RBFOX1: variants seen among roughly 807,000 people sequenced by gnomAD.
RBFOX1 encodes the protein RNA binding protein fox-1 homolog 1.
A neutral mutation model predicts 57.7 loss-of-function variants in RBFOX1; 8 were observed. That is an observed-to-expected ratio of 0.14 (90% CI 0.08 to 0.25). The LOEUF is 0.25. Among genes scored for constraint, RBFOX1 ranks in the 10% least tolerant of loss-of-function variants. The probability of loss-of-function intolerance (pLI) is 1.00; values close to 1 mark genes in which losing one functional copy is unlikely to be tolerated. For missense variants in RBFOX1, 611 were observed against 548.5 expected, an observed-to-expected ratio of 1.11 and a Z score of -1.14; for synonymous variants, 326 against 222.4, an observed-to-expected ratio of 1.47 and a Z score of -4.15.
At chr16:7,304,814 T>G (rs1030411134) in intron 4 of RBFOX1, among the ~76,000 whole-genome samples, 9 of 152,104 alleles carry the variant, frequency 5.9e-5, no homozygotes, top group Admixed American at 5.9e-4. Flanking sequence ...ACCCCTTTGA[T>G]GCTAAGAGTT....
intron 4 of RBFOX1, among the ~76,000 whole-genome samples, chr16:6,012,909 A>G (rs1220243444): frequency 6.6e-6 from 1 of 152,250 alleles, no homozygotes; most frequent in Non-Finnish European, 1.5e-5. Context: ...AAATGTGATA[A>G]CAATCTTCTA....
intron 4 of RBFOX1, among the ~76,000 whole-genome samples, chr16:5,892,096 G>A (rs1299752562): frequency 1.3e-5 from 2 of 152,116 alleles, no homozygotes; most frequent in African/African-American, 4.8e-5. Flanking sequence ...CTGTCCTTAC[G>A]GCACTTATAT....
chr16:5,844,829 T>TA (rs758226416), intron 3 of RBFOX1, among the ~76,000 whole-genome samples: 80 of 152,276 alleles, frequency 5.3e-4, no homozygotes, highest in Non-Finnish European at 1.1e-3. Flanking sequence ...CGGTTTCCCT[T>TA]ACACGTTGAG....
At chr16:6,387,870 G>T (rs933630273) in intron 2 of RBFOX1, among the ~76,000 whole-genome samples, 3 of 151,834 alleles carry the variant, frequency 2.0e-5, no homozygotes, top group African/African-American at 7.3e-5. Context: ...ACAAGTGTGT[G>T]GCTTCCACCT....
intron 1 of RBFOX1, among the ~76,000 whole-genome samples, chr16:5,264,869 A>G (rs2062820374): frequency 6.6e-6 from 1 of 152,188 alleles, no homozygotes; most frequent in Admixed American, 6.5e-5. Context: ...GATGGGAAAC[A>G]GAGCACCCCA....
chr16:6,490,226 A>G (rs1029451272), intron 2 of RBFOX1, among the ~76,000 whole-genome samples: 2 of 152,248 alleles, frequency 1.3e-5, no homozygotes, highest in Non-Finnish European at 2.9e-5. Context: ...CCAATTTGAC[A>G]CATTTTATTC....
chr16:5,361,938 T>A (rs894599232), intron 1 of RBFOX1, among the ~76,000 whole-genome samples: 2 of 152,220 alleles, frequency 1.3e-5, no homozygotes, highest in Non-Finnish European at 2.9e-5. Context: ...AGCAGGCAGA[T>A]AATGCTCAAA....
intron 3 of RBFOX1, among the ~76,000 whole-genome samples, chr16:5,865,941 A>G (rs538081828): frequency 5.9e-5 from 9 of 152,092 alleles, no homozygotes; most frequent in African/African-American, 2.2e-4. Flanking sequence ...AGAGAAAGAA[A>G]GTAAGTTCTC....
intron 3 of RBFOX1, among the ~76,000 whole-genome samples, chr16:5,647,261 G>A (rs1167603235): frequency 6.6e-6 from 1 of 152,138 alleles, no homozygotes; most frequent in African/African-American, 2.4e-5. Context: ...ATTCACCCAG[G>A]GCCATGGAGC....
At chr16:6,922,572 T>C (rs531396255) in intron 3 of RBFOX1, among the ~76,000 whole-genome samples, 1 of 152,222 alleles carries the variant, frequency 6.6e-6, no homozygotes, top group Non-Finnish European at 1.5e-5. Flanking sequence ...AGTTGGCTTT[T>C]TTCGTGTGTG....
At chr16:6,592,975 C>G (rs937510846) in intron 2 of RBFOX1, among the ~76,000 whole-genome samples, 1 of 152,110 alleles carries the variant, frequency 6.6e-6, no homozygotes, top group Non-Finnish European at 1.5e-5. Flanking sequence ...AGCGGATCAT[C>G]TGAGGTCAGG....
At chr16:6,433,606 G>A (rs151313565) in intron 2 of RBFOX1, among the ~76,000 whole-genome samples, 5 of 152,252 alleles carry the variant, frequency 3.3e-5, no homozygotes, top group South Asian at 2.1e-4. Context: ...TATTATCCTC[G>A]GGTTCTAGAG....
chr16:6,179,563 A>C (rs1279867573), intron 1 of RBFOX1, among the ~76,000 whole-genome samples: 1 of 152,064 alleles, frequency 6.6e-6, no homozygotes, highest in Non-Finnish European at 1.5e-5. Flanking sequence ...GGGCTCAGAG[A>C]CTGTGGTCCG....
At chr16:7,151,506 G>A (rs189411808) in intron 4 of RBFOX1, among the ~76,000 whole-genome samples, 294 of 152,076 alleles carry the variant, frequency 1.9e-3, no homozygotes, top group Admixed American at 3.4e-3. Context: ...TTCTTCACAG[G>A]GCTACTTGTA....
chr16:7,317,804 G>C (rs1207108811), intron 4 of RBFOX1, among the ~76,000 whole-genome samples: 1 of 152,220 alleles, frequency 6.6e-6, no homozygotes, highest in Non-Finnish European at 1.5e-5. Context: ...CTTCTCTGCA[G>C]TTTCATTTCT....
intron 4 of RBFOX1, among the ~76,000 whole-genome samples, chr16:7,169,377 T>C (rs1378412247): frequency 2.6e-5 from 4 of 152,178 alleles, no homozygotes; most frequent in African/African-American, 9.6e-5. Flanking sequence ...TAATTACTTG[T>C]TATGGGCCAG....
chr16:7,257,653 T>C (rs1285905556), intron 4 of RBFOX1, among the ~76,000 whole-genome samples: 1 of 152,060 alleles, frequency 6.6e-6, no homozygotes, highest in East Asian at 1.9e-4. Flanking sequence ...CTCCCAACCC[T>C]CCTCTGTAGC....
chr16:7,215,578 G>A (rs1381609671), intron 4 of RBFOX1, among the ~76,000 whole-genome samples: 6 of 152,144 alleles, frequency 3.9e-5, no homozygotes, highest in African/African-American at 1.4e-4. Context: ...CATTTACTGA[G>A]TTGTACAGCC....
chr16:7,303,095 C>T (rs1283379927), intron 4 of RBFOX1, among the ~76,000 whole-genome samples: 1 of 152,216 alleles, frequency 6.6e-6, no homozygotes. Context: ...TTCCAGTCGC[C>T]CCGAGCTGGC....
Sources: gnomAD v4.1 joint callset for allele counts (sites outside exome capture counted in the v4.1 genomes callset) on GRCh38, gnomAD v4.1.1 for gene constraint, MANE v1.5 for transcripts, NCBI Gene and HGNC (gene_info 2026-07-23, HGNC 2026-07-21) for gene names.